Variants in SPOCK3 observed in about 807,000 individuals in gnomAD.
The protein encoded by SPOCK3 is SPARC (osteonectin), cwcv and kazal like domains proteoglycan 3.
In SPOCK3, 30 loss-of-function variants were observed where a neutral mutation model predicts 56.6. That is an observed-to-expected ratio of 0.53 (90% CI 0.40 to 0.72). The LOEUF (loss-of-function observed/expected upper bound fraction) is 0.72, where lower values mean the gene tolerates loss of function less well. SPOCK3 is among the 30% of genes least tolerant of loss of function. SPOCK3 has a pLI of 0.00. For synonymous variants in SPOCK3, 196 were observed against 183.3 expected, an observed-to-expected ratio of 1.07 and a Z score of -0.56; for missense variants, 527 against 530.0, an observed-to-expected ratio of 0.99 and a Z score of 0.06.
intron 4 of SPOCK3, among the ~76,000 whole-genome samples, chr4:166,929,652 T>C (rs554694381): frequency 6.6e-6 from 1 of 152,280 alleles, no homozygotes; most frequent in East Asian, 1.9e-4. Flanking sequence ...CCACTATCTG[T>C]TCAGTTCTTG....
chr4:166,887,881 G>C (rs1309808003), intron 6 of SPOCK3, among the ~76,000 whole-genome samples: 1 of 147,192 alleles, frequency 6.8e-6, no homozygotes, highest in African/African-American at 2.5e-5. Flanking sequence ...AAAAAGAAGA[G>C]AGCTCCTGAA....
At chr4:167,142,088 A>G (rs926641046) in intron 2 of SPOCK3, among the ~76,000 whole-genome samples, 6 of 152,012 alleles carry the variant, frequency 3.9e-5, no homozygotes, top group African/African-American at 1.4e-4. Flanking sequence ...CTTTATTGAC[A>G]CATCAATTAA....
At chr4:167,109,312 T>C (rs1760609847) in intron 2 of SPOCK3, among the ~76,000 whole-genome samples, 1 of 89,258 alleles carries the variant, frequency 1.1e-5, no homozygotes, top group South Asian at 3.5e-4. Context: ...ATTATTAATA[T>C]ATTAATATAT....
intron 6 of SPOCK3, among the ~76,000 whole-genome samples, chr4:166,844,664 A>G (rs1236128730): frequency 6.6e-6 from 1 of 150,530 alleles, no homozygotes; most frequent in Non-Finnish European, 1.5e-5. Context: ...TGATATATGT[A>G]TAGATAAAGA....
chr4:167,058,861 C>T (rs1174642675), intron 3 of SPOCK3, among the ~76,000 whole-genome samples: 2 of 152,050 alleles, frequency 1.3e-5, no homozygotes, highest in Non-Finnish European at 2.9e-5. Flanking sequence ...TCTACAACTA[C>T]CTGGTCTTTG....
chr4:167,065,325 C>T (rs182952918), intron 2 of SPOCK3, among the ~76,000 whole-genome samples: 85 of 151,874 alleles, frequency 5.6e-4, no homozygotes, highest in Admixed American at 1.5e-3. Context: ...TCACATAGCA[C>T]ATAGTGTTTG....
intron 6 of SPOCK3, among the ~76,000 whole-genome samples, chr4:166,850,461 G>A (rs1439168137): frequency 6.6e-6 from 1 of 152,202 alleles, no homozygotes; most frequent in Non-Finnish European, 1.5e-5. Context: ...ATTTCGGGAG[G>A]AGCCAAGGTG....
chr4:167,174,458 T>C (rs916095843), intron 2 of SPOCK3, among the ~76,000 whole-genome samples: 2 of 151,504 alleles, frequency 1.3e-5, no homozygotes, highest in African/African-American at 4.9e-5. Context: ...ATTACTCCAC[T>C]AAACAGAGGT....
intron 8 of SPOCK3, among the ~76,000 whole-genome samples, chr4:166,744,332 CA>C (rs1366147704): frequency 2.0e-5 from 3 of 152,136 alleles, no homozygotes; most frequent in Non-Finnish European, 4.4e-5. Flanking sequence ...TGGTGATACC[CA>C]GGCAAACAGG....
intron 6 of SPOCK3, among the ~76,000 whole-genome samples, chr4:166,867,895 T>A (rs956776585): frequency 6.6e-6 from 1 of 151,942 alleles, no homozygotes; most frequent in Non-Finnish European, 1.5e-5. Flanking sequence ...AAAAAAAGTT[T>A]GTTTTAAATT....
At chr4:166,949,268 C>T (rs1469612576) in intron 4 of SPOCK3, among the ~76,000 whole-genome samples, 1 of 152,136 alleles carries the variant, frequency 6.6e-6, no homozygotes, top group African/African-American at 2.4e-5. Context: ...AAGTTTTTAA[C>T]TTCTTTGCCT....
chr4:166,858,444 A>G (rs186332189), intron 6 of SPOCK3, among the ~76,000 whole-genome samples: 1 of 152,292 alleles, frequency 6.6e-6, no homozygotes, highest in Non-Finnish European at 1.5e-5. Context: ...TTTTTATGGT[A>G]CTTATTTGCC....
intron 8 of SPOCK3, among the ~76,000 whole-genome samples, chr4:166,742,879 C>A (rs139011589): frequency 8.5e-5 from 13 of 152,182 alleles, no homozygotes; most frequent in African/African-American, 3.1e-4. Context: ...TGTTGCCCTT[C>A]ATATCTGTGA....
intron 2 of SPOCK3, among the ~76,000 whole-genome samples, chr4:167,071,227 ATAAAT>A (rs1165181844): frequency 4.6e-5 from 7 of 152,052 alleles, no homozygotes; most frequent in Admixed American, 4.6e-4. Flanking sequence ...GCCTCAATAA[ATAAAT>A]TAAGAATCTT....
chr4:166,739,278 T>C (rs1167600855), intron 9 of SPOCK3, among the ~76,000 whole-genome samples: 2 of 152,128 alleles, frequency 1.3e-5, no homozygotes, highest in South Asian at 2.1e-4. Context: ...TCTCACTCCA[T>C]CACTCAGGCT....
intron 2 of SPOCK3, among the ~76,000 whole-genome samples, chr4:167,141,208 C>T (rs1409560025): frequency 6.6e-6 from 1 of 151,932 alleles, no homozygotes; most frequent in Non-Finnish European, 1.5e-5. Context: ...TACCAAAATG[C>T]CAATATGGCA....
intron 4 of SPOCK3, among the ~76,000 whole-genome samples, chr4:166,957,644 A>G (rs1178013095): frequency 3.9e-5 from 6 of 152,156 alleles, no homozygotes; most frequent in Admixed American, 3.9e-4. Flanking sequence ...AGCCCTTGGG[A>G]GCCCACTTCT....
chr4:166,991,983 C>A (rs1328672285), intron 4 of SPOCK3, among the ~76,000 whole-genome samples: 3 of 148,726 alleles, frequency 2.0e-5, no homozygotes, highest in Non-Finnish European at 4.4e-5. Flanking sequence ...ACCCTAATGT[C>A]CATCAATAAA....
At chr4:166,782,287 C>G (rs1250363934) in intron 7 of SPOCK3, among the ~76,000 whole-genome samples, 1 of 151,948 alleles carries the variant, frequency 6.6e-6, no homozygotes, top group Non-Finnish European at 1.5e-5. Flanking sequence ...TACAGTAACC[C>G]TAAATGTATA....
Sources: allele counts gnomAD v4.1 joint callset (sites outside exome capture counted in the v4.1 genomes callset), GRCh38; gene constraint gnomAD v4.1.1; transcripts MANE v1.5; gene names NCBI Gene and HGNC (gene_info 2026-07-23, HGNC 2026-07-21).